The following ANKS1B variants were observed in gnomAD, a reference collection of about 807,000 sequenced individuals.
The protein encoded by ANKS1B is ankyrin repeat and sterile alpha motif domain-containing protein 1B.
ANKS1B carries 36 observed loss-of-function variants against 148.3 expected under a neutral mutation model. That is an observed-to-expected ratio of 0.24 (90% CI 0.19 to 0.32). The LOEUF is 0.32. Among genes scored for constraint, ANKS1B ranks in the 10% least tolerant of loss-of-function variants. ANKS1B has a pLI of 1.00. For synonymous variants in ANKS1B, 542 were observed against 560.8 expected (o/e 0.97, Z 0.47); for missense variants, 1,157 against 1,542.6 (o/e 0.75, Z 4.19).
Position 99,447,565 on chromosome 12 carries a change from T to C in ANKS1B, c.1439-3756A>G, listed in dbSNP as rs147446846. 1.1e-3 allele frequency among the ~76,000 whole-genome samples: 161 copies of C among 152,162 alleles called. 1 individual carries two copies. Among genetic ancestry groups the C allele is most frequent in the African/African-American group, 3.8e-3 (159 of 41,548 alleles). On this transcript the variant is annotated intron_variant, in intron 10 of 26. Transcript: ENST00000683438. ...GATTTGGGCAATGATTTTTTGGCTA[T>C]GACCTCAAAAGCACAGGCAAGAGCA...
At chr12:99,971,447 CAG>C (rs1276949328) in intron 1 of ANKS1B, among the ~76,000 whole-genome samples, 2 of 152,086 alleles carry the variant, frequency 1.3e-5, no homozygotes, top group Non-Finnish European at 1.5e-5. Flanking sequence ...CTATATAAAA[CAG>C]AGATAATTCT....
At chr12:99,547,935 T>G (rs2097185757) in intron 9 of ANKS1B, among the ~76,000 whole-genome samples, 1 of 152,180 alleles carries the variant, frequency 6.6e-6, no homozygotes, top group South Asian at 2.1e-4. Flanking sequence ...ATTCGGGTTG[T>G]TTTTGAGGAA....
At position 99,716,668 on chromosome 12, in the gene ANKS1B, G is replaced by A. The variant is rs540293692; in HGVS notation, c.1128+56254C>T. ...TCGTAAAATGGGCAAACGGTCTGAG[G>A]TGCCTGACATCCAGGCATTCTTTCA... is the stretch of plus-strand genomic sequence containing the variant. On this transcript the variant is annotated intron_variant, in intron 8 of 26. Coordinates refer to ENST00000683438, the MANE Select transcript of ANKS1B (RefSeq NM_001352186.2). 1.0e-3 allele frequency among the ~76,000 whole-genome samples: 156 copies of A among 152,030 alleles called. 1 individual carries two copies. The highest frequency in any genetic ancestry group is 3.7e-3 in the African/African-American group (154 of 41,458).
At chr12:98,777,769 T>C (rs910314619) in intron 24 of ANKS1B, among the ~76,000 whole-genome samples, 4 of 152,204 alleles carry the variant, frequency 2.6e-5, no homozygotes, top group Non-Finnish European at 4.4e-5. Flanking sequence ...CCTCTAACCC[T>C]TTCCCATGAA....
chr12:99,392,886 A>G (rs1275880011), intron 12 of ANKS1B, among the ~76,000 whole-genome samples: 1 of 151,246 alleles, frequency 6.6e-6, no homozygotes, highest in Non-Finnish European at 1.5e-5. Flanking sequence ...TCTACTCTAC[A>G]TATCTACTTG....
chr12:99,830,519 C>G (rs764168472), intron 1 of ANKS1B, among the ~76,000 whole-genome samples: 9 of 150,642 alleles, frequency 6.0e-5, no homozygotes, highest in Non-Finnish European at 1.0e-4. Context: ...GAAAGCATAT[C>G]ATAAAACAAT....
chr12:99,914,813 C>T (rs544696627), intron 1 of ANKS1B, among the ~76,000 whole-genome samples: 2 of 152,186 alleles, frequency 1.3e-5, no homozygotes, highest in East Asian at 3.9e-4. Flanking sequence ...TAAAGGTAAG[C>T]CACCTCTAAT....
chr12:99,174,964 T>C (rs893096502), intron 14 of ANKS1B, among the ~76,000 whole-genome samples: 1 of 152,190 alleles, frequency 6.6e-6, no homozygotes, highest in Non-Finnish European at 1.5e-5. Context: ...AAACTGATGC[T>C]CAATGAAGGA....
chr12:98,926,382 A>G (rs79212403), intron 17 of ANKS1B, among the ~76,000 whole-genome samples: 2,536 of 152,308 alleles, frequency 0.017, 77 homozygotes, highest in African/African-American at 0.058. Context: ...CAGCTGCAAT[A>G]ATAAAGGGCA....
At chr12:99,113,278 A>T (rs2060675619) in intron 15 of ANKS1B, among the ~76,000 whole-genome samples, 1 of 152,158 alleles carries the variant, frequency 6.6e-6, no homozygotes, top group Non-Finnish European at 1.5e-5. Flanking sequence ...AACGAATGGG[A>T]AGTGGCAGAA....
intron 1 of ANKS1B, among the ~76,000 whole-genome samples, chr12:99,865,580 G>A (rs531889267): frequency 6.6e-6 from 1 of 152,272 alleles, no homozygotes; most frequent in African/African-American, 2.4e-5. Context: ...AGTCATAATT[G>A]CTGGAAATTT....
At chr12:99,784,817 A>G (rs1422737633) in intron 4 of ANKS1B, among the ~76,000 whole-genome samples, 5 of 152,218 alleles carry the variant, frequency 3.3e-5, no homozygotes, top group African/African-American at 7.2e-5. Flanking sequence ...AATTGCATTT[A>G]TAAAGACATC....
intron 9 of ANKS1B, among the ~76,000 whole-genome samples, chr12:99,567,508 A>T (rs1226400012): frequency 6.6e-6 from 1 of 152,164 alleles, no homozygotes; most frequent in African/African-American, 2.4e-5. Flanking sequence ...TCTAAAATAC[A>T]TCCATATGGT....
rs1328880913 is a variant in ANKS1B, at chr12:99,638,085, T to A, written c.1272+16982A>T. 4.6e-5 allele frequency among the ~76,000 whole-genome samples: 7 copies of A among 152,196 alleles called. 1 individual carries two copies. In the South Asian group the frequency reaches 1.5e-3, roughly 32 times the overall value. ...TTGGCACTTCTTTCTCCTGCTGCCATGTGAAGAAGAACATATTTGTTTCCC... is the reference window on the plus strand; with the variant it reads ...TTGGCACTTCTTTCTCCTGCTGCCAAGTGAAGAAGAACATATTTGTTTCCC... On this transcript the variant is annotated intron_variant, in intron 9 of 26. Transcript: ENST00000683438.
At chr12:98,993,623 T>C (rs2153309745) in intron 17 of ANKS1B, among the ~76,000 whole-genome samples, 1 of 152,332 alleles carries the variant, frequency 6.6e-6, no homozygotes, top group South Asian at 2.1e-4. Context: ...TACCAACAAA[T>C]GAACACAAGC....
chr12:99,455,686 G>A (rs1024757136), intron 10 of ANKS1B, among the ~76,000 whole-genome samples: 1 of 152,062 alleles, frequency 6.6e-6, no homozygotes, highest in Non-Finnish European at 1.5e-5. Flanking sequence ...ACTCAGCAGA[G>A]GCAGCCATAA....
intron 15 of ANKS1B, among the ~76,000 whole-genome samples, chr12:99,114,509 T>G (rs369394252): frequency 1.1e-4 from 17 of 152,276 alleles, no homozygotes; most frequent in African/African-American, 3.8e-4. Flanking sequence ...CTGAGCACTT[T>G]GGGAGGCGGA....
chr12:99,694,371 G>A (rs539235955), intron 8 of ANKS1B, among the ~76,000 whole-genome samples: 3 of 151,370 alleles, frequency 2.0e-5, no homozygotes, highest in Admixed American at 6.6e-5. Flanking sequence ...CCCGGGAGGT[G>A]GAGGTTGCAG....
chr12:99,443,320 G>C (rs116623566), intron 11 of ANKS1B, among the ~76,000 whole-genome samples: 1,741 of 152,010 alleles, frequency 0.011, 38 homozygotes, highest in African/African-American at 0.036. Context: ...GCATTGTCCA[G>C]AAGAATGAAG....
Sources: gnomAD v4.1 joint callset for allele counts (sites outside exome capture counted in the v4.1 genomes callset) on GRCh38, gnomAD v4.1.1 for gene constraint, MANE v1.5 for transcripts, NCBI Gene and HGNC (gene_info 2026-07-23, HGNC 2026-07-21) for gene names.